The following SLC24A2 variants were observed in gnomAD, a reference collection of about 807,000 sequenced individuals.
The protein encoded by SLC24A2 is solute carrier family 24 member 2, also known as sodium/potassium/calcium exchanger 2.
In SLC24A2, 36 loss-of-function variants were observed where a neutral mutation model predicts 62.0. The observed-to-expected ratio is 0.58, with a 90% CI of 0.44 to 0.77. The LOEUF is 0.77. Ranked by LOEUF, SLC24A2 falls within the 30% of genes least tolerant of loss-of-function variation. The pLI is 0.00. For synonymous variants in SLC24A2, 358 were observed against 294.0 expected, an observed-to-expected ratio of 1.22 and a Z score of -2.23; for missense variants, 846 against 817.9, an observed-to-expected ratio of 1.03 and a Z score of -0.42.
the SLC24A2 span, among the ~76,000 whole-genome samples, chr9:20,279,860 G>A: frequency 2.8e-4 from 43 of 152,318 alleles, no homozygotes; most frequent in East Asian, 7.5e-3. Flanking sequence ...AGGTCTCAGG[G>A]ACACACTCTC....
the SLC24A2 span, among the ~76,000 whole-genome samples, chr9:19,891,907 G>T: frequency 6.6e-6 from 1 of 151,994 alleles, no homozygotes; most frequent in Admixed American, 6.6e-5. Context: ...TCCAATATTG[G>T]GGATCAAATT....
chr9:20,256,920 G>A, the SLC24A2 span, among the ~76,000 whole-genome samples: 1 of 113,336 alleles, frequency 8.8e-6, no homozygotes, highest in Non-Finnish European at 1.7e-5. Context: ...ACTCCAGCAT[G>A]TACACACACA....
the SLC24A2 span, among the ~76,000 whole-genome samples, chr9:19,879,216 C>T: frequency 7.2e-5 from 11 of 152,212 alleles, 1 homozygote; most frequent in African/African-American, 2.2e-4. Context: ...GCTAGAGATG[C>T]TGAAACACAG....
At chr9:20,288,034 GGA>G in the SLC24A2 span, among the ~76,000 whole-genome samples, 9,878 of 45,092 alleles carry the variant, frequency 0.22, 415 homozygotes, top group East Asian at 0.48. Context: ...GGAGGAGTTA[GGA>G]AAAAAACACA....
At chr9:19,971,779 T>C in the SLC24A2 span, among the ~76,000 whole-genome samples, 1 of 152,090 alleles carries the variant, frequency 6.6e-6, no homozygotes, top group Non-Finnish European at 1.5e-5. Context: ...ATGATGATGA[T>C]GACGATGGCT....
chr9:20,084,662 T>C, the SLC24A2 span, among the ~76,000 whole-genome samples: 6 of 152,082 alleles, frequency 3.9e-5, no homozygotes, highest in Non-Finnish European at 8.8e-5. Flanking sequence ...ATGAAAGTAG[T>C]CTGGCTGTTC....
the SLC24A2 span, among the ~76,000 whole-genome samples, chr9:19,886,966 A>G: frequency 0.41 from 62,052 of 151,952 alleles, 13,263 homozygotes; most frequent in East Asian, 0.84. Flanking sequence ...AAAACAAAAC[A>G]CCACATGTTC....
At chr9:19,614,042 T>G (rs1390938511) in intron 4 of SLC24A2, among the ~76,000 whole-genome samples, 5 of 152,168 alleles carry the variant, frequency 3.3e-5, no homozygotes, top group Non-Finnish European at 5.9e-5. Flanking sequence ...TGCTATCATT[T>G]TGAGACAAAT....
chr9:20,102,776 G>C, the SLC24A2 span, among the ~76,000 whole-genome samples: 2 of 152,058 alleles, frequency 1.3e-5, no homozygotes, highest in Non-Finnish European at 2.9e-5. Flanking sequence ...CGACACAGAA[G>C]ACGGGTGATT....
At chr9:20,026,044 G>T in the SLC24A2 span, among the ~76,000 whole-genome samples, 1 of 152,138 alleles carries the variant, frequency 6.6e-6, no homozygotes, top group African/African-American at 2.4e-5. Flanking sequence ...ATCCTAATCT[G>T]CTACTTCCTA....
At chr9:20,107,357 A>G in the SLC24A2 span, among the ~76,000 whole-genome samples, 2 of 151,386 alleles carry the variant, frequency 1.3e-5, no homozygotes, top group African/African-American at 2.5e-5. Context: ...TGAAGTTCAT[A>G]TGGAACCAAA....
the SLC24A2 span, among the ~76,000 whole-genome samples, chr9:20,088,284 C>T: frequency 4.6e-5 from 7 of 152,358 alleles, no homozygotes; most frequent in South Asian, 2.1e-4. Context: ...GCTTTACCTC[C>T]GCCTGAGATG....
chr9:19,969,447 A>C, the SLC24A2 span, among the ~76,000 whole-genome samples: 1 of 152,172 alleles, frequency 6.6e-6, no homozygotes, highest in Non-Finnish European at 1.5e-5. Context: ...GCACAAAAAA[A>C]TTCCACACTC....
At chr9:19,718,284 CTTT>C (rs71335446) in intron 2 of SLC24A2, among the ~76,000 whole-genome samples, 6 of 55,730 alleles carry the variant, frequency 1.1e-4, no homozygotes, top group African/African-American at 3.4e-4. Flanking sequence ...TGATTTAACA[CTTT>C]TTTTTTTTTT....
At chr9:19,789,354 T>A (rs1339663204), upstream of SLC24A2, among the ~76,000 whole-genome samples, 2 of 152,230 alleles carry the variant, frequency 1.3e-5, no homozygotes, top group East Asian at 3.9e-4. Flanking sequence ...GCACCGCCTC[T>A]CCAATTATCT....
the SLC24A2 span, among the ~76,000 whole-genome samples, chr9:20,030,914 C>G: frequency 2.6e-5 from 4 of 152,236 alleles, no homozygotes; most frequent in South Asian, 2.1e-4. Context: ...TGCTCACCCC[C>G]ACCCTACTCT....
In SLC24A2 at chr9:19,508,229, A is replaced by G. The variant is rs1396520618; in HGVS notation, c.*7924T>C. 1 of 152,188 alleles carries G rather than the reference A, an allele frequency of 6.6e-6. No individual in the cohort carries two copies. Among genetic ancestry groups the G allele is most frequent in the East Asian group, 1.9e-4 (1 of 5,190 alleles). 9.4% of individuals were successfully genotyped at this position (152,188 alleles called of 1,614,324 possible). A position where few individuals can be genotyped will look rare whatever the true frequency, so the allele number is the denominator to read the frequency against. On this transcript the variant is annotated 3_prime_UTR_variant, in exon 11 of 11. Transcript: ENST00000341998. ...GTGTACTTTGTGTTCAGGGTTCAATAGCGCAATTCAGTAACTGAGGCTCCC... is the reference window on the plus strand; with the variant it reads ...GTGTACTTTGTGTTCAGGGTTCAATGGCGCAATTCAGTAACTGAGGCTCCC...
the SLC24A2 span, among the ~76,000 whole-genome samples, chr9:20,153,843 CT>C: frequency 6.6e-6 from 1 of 151,836 alleles, no homozygotes; most frequent in Non-Finnish European, 1.5e-5. Context: ...TTATTTCTGT[CT>C]GCAGTTTCTA....
the SLC24A2 span, among the ~76,000 whole-genome samples, chr9:20,051,009 T>C: frequency 1.3e-5 from 2 of 152,076 alleles, no homozygotes; most frequent in African/African-American, 2.4e-5. Flanking sequence ...AGAAGGTACA[T>C]AGTGAGATGG....
Sources: gnomAD v4.1 joint callset for allele counts (sites outside exome capture counted in the v4.1 genomes callset) on GRCh38, gnomAD v4.1.1 for gene constraint, MANE v1.5 for transcripts, NCBI Gene and HGNC (gene_info 2026-07-23, HGNC 2026-07-21) for gene names.